PDE1C: variants seen among roughly 807,000 people sequenced by gnomAD.
PDE1C encodes dual specificity calcium/calmodulin-dependent 3',5'-cyclic nucleotide phosphodiesterase 1C.
PDE1C carries 62 observed loss-of-function variants against 93.1 expected under a neutral mutation model. The observed-to-expected ratio is 0.67, with a 90% CI of 0.54 to 0.82. PDE1C has a LOEUF of 0.82. Among genes scored for constraint, PDE1C ranks in the 40% least tolerant of loss-of-function variants. The pLI is 0.00. For synonymous variants in PDE1C, 325 were observed against 310.1 expected (o/e 1.05, Z -0.50); for missense variants, 742 against 884.6 (o/e 0.84, Z 2.04).
At chr7:32,185,125 GA>G (rs374653663) in intron 2 of PDE1C, among the ~76,000 whole-genome samples, 32,001 of 123,858 alleles carry the variant, frequency 0.26, 4,352 homozygotes, top group African/African-American at 0.44. Context: ...ACAAAAAAAA[GA>G]AAAAAAAAAA....
the PDE1C span, among the ~76,000 whole-genome samples, chr7:31,680,008 G>A: frequency 1.3e-5 from 2 of 152,168 alleles, no homozygotes; most frequent in Non-Finnish European, 2.9e-5. Flanking sequence ...TGCTGCAGGT[G>A]GTAACCAGCA....
At chr7:32,197,827 G>A (rs1046625928) in intron 2 of PDE1C, among the ~76,000 whole-genome samples, 3 of 152,082 alleles carry the variant, frequency 2.0e-5, no homozygotes, top group Non-Finnish European at 4.4e-5. Flanking sequence ...TAACTGTTGG[G>A]CACAGGACTT....
intron 2 of PDE1C, among the ~76,000 whole-genome samples, chr7:32,205,371 G>A (rs1805355386): frequency 6.6e-6 from 1 of 152,160 alleles, no homozygotes; most frequent in South Asian, 2.1e-4. Context: ...GTTGGGTGAG[G>A]ACTTGGAGAA....
At chr7:31,648,644 G>T in the PDE1C span, among the ~76,000 whole-genome samples, 1 of 152,110 alleles carries the variant, frequency 6.6e-6, no homozygotes, top group African/African-American at 2.4e-5. Context: ...CAATGTTTAT[G>T]ATGTTCAGCC....
At chr7:31,697,351 A>G in the PDE1C span, among the ~76,000 whole-genome samples, 1 of 152,216 alleles carries the variant, frequency 6.6e-6, no homozygotes, top group Non-Finnish European at 1.5e-5. Flanking sequence ...ATGCCTCAGC[A>G]GAGCTGGTTG....
intron 7 of PDE1C, among the ~76,000 whole-genome samples, chr7:31,860,149 T>C (rs143954051): frequency 9.4e-4 from 143 of 152,318 alleles, no homozygotes; most frequent in African/African-American, 3.2e-3. Flanking sequence ...ATGAGCAGTA[T>C]ATGAGAACAT....
chr7:31,739,200 GACACACACACACACAC>G, the PDE1C span, among the ~76,000 whole-genome samples: 336 of 143,164 alleles, frequency 2.3e-3, 4 homozygotes, highest in Admixed American at 0.019. Context: ...GTAACTTTTA[GACACACACACACACAC>G]ACACACACAC....
At chr7:32,103,306 T>G (rs188287236) in intron 3 of PDE1C, among the ~76,000 whole-genome samples, 19 of 151,124 alleles carry the variant, frequency 1.3e-4, no homozygotes, top group African/African-American at 4.6e-4. Flanking sequence ...TAAATAAGAG[T>G]TTGTTGATTC....
chr7:31,623,045 C>T, the PDE1C span, among the ~76,000 whole-genome samples: 2 of 152,156 alleles, frequency 1.3e-5, no homozygotes, highest in Admixed American at 1.3e-4. Flanking sequence ...CCTCCCAAGA[C>T]TAAACCAGGA....
At chr7:32,264,709 G>A (rs552495109) in intron 1 of PDE1C, among the ~76,000 whole-genome samples, 3 of 152,296 alleles carry the variant, frequency 2.0e-5, no homozygotes, top group East Asian at 1.9e-4. Flanking sequence ...CACTGGATTC[G>A]GTGCCCACAT....
intron 3 of PDE1C, among the ~76,000 whole-genome samples, chr7:32,141,382 A>C (rs1016824253): frequency 6.6e-6 from 1 of 152,236 alleles, no homozygotes; most frequent in Admixed American, 6.5e-5. Flanking sequence ...GGAATACGGT[A>C]ACTTTAAAGT....
intron 1 of PDE1C, among the ~76,000 whole-genome samples, chr7:32,359,062 G>A (rs1585124373): frequency 6.6e-6 from 1 of 152,092 alleles, no homozygotes; most frequent in South Asian, 2.1e-4. Flanking sequence ...GATATCTGAC[G>A]CCCTTGATAT....
chr7:32,325,040 T>C (rs898355997), intron 1 of PDE1C, among the ~76,000 whole-genome samples: 3 of 152,220 alleles, frequency 2.0e-5, no homozygotes, highest in African/African-American at 7.2e-5. Context: ...TGTTGAAAAC[T>C]GTTCCTCAAT....
At chr7:31,772,011 A>C (rs1795517352) in intron 17 of PDE1C, among the ~76,000 whole-genome samples, 1 of 148,050 alleles carries the variant, frequency 6.8e-6, no homozygotes, top group South Asian at 2.1e-4. Context: ...GCGCCACTGC[A>C]CTCCAGCCTG....
intron 2 of PDE1C, among the ~76,000 whole-genome samples, chr7:31,997,163 C>T (rs1325513304): frequency 6.6e-6 from 1 of 152,156 alleles, no homozygotes; most frequent in Non-Finnish European, 1.5e-5. Context: ...TGGATATGGG[C>T]TTTTTAGTAG....
intron 3 of PDE1C, among the ~76,000 whole-genome samples, chr7:32,076,745 G>C (rs1796380478): frequency 6.6e-6 from 1 of 151,770 alleles, no homozygotes; most frequent in Non-Finnish European, 1.5e-5. Flanking sequence ...AATGTGAAAG[G>C]GTCCATTGAG....
chr7:31,807,126 G>C (rs1221483558), intron 16 of PDE1C, among the ~76,000 whole-genome samples: 1 of 151,870 alleles, frequency 6.6e-6, no homozygotes, highest in Admixed American at 6.6e-5. Context: ...TACCAAAGCA[G>C]TAATGATGTC....
At chr7:31,686,793 CT>C in the PDE1C span, 2 of 152,168 alleles carry the variant, frequency 1.3e-5, no homozygotes, top group African/African-American at 4.8e-5. Context: ...AGTAGCTACC[CT>C]TCTCTTCCTC....
chr7:32,038,145 C>A (rs1791358829), intron 2 of PDE1C, among the ~76,000 whole-genome samples: 1 of 152,116 alleles, frequency 6.6e-6, no homozygotes, highest in Non-Finnish European at 1.5e-5. Context: ...TAGGTGACAC[C>A]TAGAATCTTA....
Sources: allele counts gnomAD v4.1 joint callset (sites outside exome capture counted in the v4.1 genomes callset), GRCh38; gene constraint gnomAD v4.1.1; transcripts MANE v1.5; gene names NCBI Gene and HGNC (gene_info 2026-07-23, HGNC 2026-07-21).